Variants in USP36 observed in about 807,000 individuals in gnomAD.
USP36 encodes the protein ubiquitin carboxyl-terminal hydrolase 36.
Under a neutral mutation model 111.5 loss-of-function variants are expected in USP36, and 59 were observed. The observed-to-expected ratio is 0.53, with a 90% CI of 0.43 to 0.66. USP36 has a LOEUF of 0.66. USP36 is among the 30% of genes least tolerant of loss of function. The pLI is 0.00. For synonymous variants in USP36, 628 were observed against 581.0 expected, an observed-to-expected ratio of 1.08 and a Z score of -1.16; for missense variants, 1,488 against 1,468.0, an observed-to-expected ratio of 1.01 and a Z score of -0.22.
downstream of USP36, among the ~76,000 whole-genome samples, chr17:78,795,391 A>T (rs2093614933): frequency 6.6e-6 from 1 of 152,228 alleles, no homozygotes. The surrounding 1 kb of genome is among the most constrained non-coding windows in gnomAD (Gnocchi z 4.5). Flanking sequence ...AGCCACACAC[A>T]TCAGGTAACA....
chr17:78,791,315 G>T (rs775270487), downstream of USP36, among the ~76,000 whole-genome samples: 1 of 151,800 alleles, frequency 6.6e-6, no homozygotes, highest in Non-Finnish European at 1.5e-5. Flanking sequence ...TGTATTTTTA[G>T]TAGAGACGGG....
In USP36 at chr17:78,807,144, C is replaced by T. The variant is rs757285017; in HGVS notation, c.1900G>A (p.Ala634Thr). The part of the protein sequence containing the change: ...TKAPQTPRSG[A>T]AHLCDSQETN... ...TCCTGAGAATCGCAGAGATGGGCCG[C>T]TCCACTCCTGGGGGTCTGGGGGGCC... The change falls in exon 14 of 21, where the codon GCG becomes ACG. Residue 634 changes from alanine (A) to threonine (T), a missense_variant. Ala to Thr is a moderately conservative substitution (Grantham distance 58). Coordinates refer to ENST00000449938, the MANE Select transcript of USP36 (RefSeq NM_001385174.1). 3.7e-5 allele frequency: 59 copies of T among 1,614,108 alleles called. No individual in the cohort carries two copies. Among genetic ancestry groups the T allele is most frequent in the South Asian group, 3.0e-4 (27 of 91,094 alleles).
intron 10 of USP36, among the ~76,000 whole-genome samples, chr17:78,817,810 G>A (rs2094223101): frequency 6.6e-6 from 1 of 152,072 alleles, no homozygotes; most frequent in Non-Finnish European, 1.5e-5. Context: ...GCCAGGTATG[G>A]TGGCTCACAC....
At chr17:78,822,171 C>T (rs550483898) in intron 6 of USP36, among the ~76,000 whole-genome samples, 167 bp from the exon 7 acceptor site, 23 of 152,286 alleles carry the variant, frequency 1.5e-4, no homozygotes, top group African/African-American at 3.8e-4. Flanking sequence ...CCTCAGCCCA[C>T]GCTGCCTGGC....
intron 5 of USP36, among the ~76,000 whole-genome samples, chr17:78,827,909 T>C (rs1049705572): frequency 6.6e-6 from 1 of 151,904 alleles, no homozygotes; most frequent in African/African-American, 2.4e-5. Flanking sequence ...AGACTCTATC[T>C]CAGAAAGAAA....
chr17:78,826,912 G>A (rs2067593648), intron 6 of USP36: 1 of 592,762 alleles, frequency 1.7e-6, no homozygotes, highest in Admixed American at 3.0e-5. Flanking sequence ...AAAAGTCCAT[G>A]GTAAGAACTG....
intron 3 of USP36, among the ~76,000 whole-genome samples, chr17:78,787,941 T>G (rs1289863014): frequency 6.6e-6 from 1 of 151,754 alleles, no homozygotes; most frequent in African/African-American, 2.4e-5. Context: ...CACAGTGGAG[T>G]GATGTGGCCA....
chr17:78,838,041 C>G (rs2068842241), intron 2 of USP36, among the ~76,000 whole-genome samples: 1 of 152,074 alleles, frequency 6.6e-6, no homozygotes, highest in Non-Finnish European at 1.5e-5. Context: ...GCTATGATTA[C>G]GCCTGTGAAT....
chr17:78,828,525 C>T (rs1196138221), intron 5 of USP36, among the ~76,000 whole-genome samples: 1 of 152,168 alleles, frequency 6.6e-6, no homozygotes, highest in Non-Finnish European at 1.5e-5. Context: ...TGACCTGCCC[C>T]CACTAAGAGG....
intron 9 of USP36, among the ~76,000 whole-genome samples, chr17:78,819,587 C>T (rs1344511935): frequency 6.6e-6 from 1 of 152,266 alleles, no homozygotes; most frequent in African/African-American, 2.4e-5. Context: ...CTGATGTGAG[C>T]TCGTGCTCTG....
At chr17:78,788,862 G>A (rs1288150702) in intron 3 of USP36, among the ~76,000 whole-genome samples, 1 of 152,032 alleles carries the variant, frequency 6.6e-6, no homozygotes, top group Non-Finnish European at 1.5e-5. Flanking sequence ...GGGACGGGAG[G>A]GACACTGAGG....
At chr17:78,789,379 A>T in intron 3 of USP36, among the ~76,000 whole-genome samples, 1 of 151,962 alleles carries the variant, frequency 6.6e-6, no homozygotes, top group East Asian at 1.9e-4. Flanking sequence ...TAGGCTGAAC[A>T]GTGGTTAGAC....
chr17:78,817,756 A>G (rs1001404632), intron 10 of USP36, among the ~76,000 whole-genome samples: 1 of 151,812 alleles, frequency 6.6e-6, no homozygotes, highest in Admixed American at 6.6e-5. Flanking sequence ...AAAAAAGAGA[A>G]AAAAGAAAAA....
At position 78,840,781 on chromosome 17, in the gene USP36, A is replaced by T. The variant is rs1328198707; in HGVS notation, c.-219T>A. On this transcript the variant is annotated 5_prime_UTR_variant, in exon 1 of 21. Transcript: ENST00000449938. ...GCCACAAGCCTACGCAGCCCTGGCG[A>T]CTCCTTCGGCCCGCGGCCCAGCACG... The T allele has an allele frequency of 6.6e-6, 1 of 150,642 alleles. No homozygotes were observed. The highest frequency in any genetic ancestry group is 1.5e-5 in the Non-Finnish European group (1 of 67,718). The allele number at this position is 150,642 out of a possible 1,614,324, so 9.3% of individuals were successfully genotyped here.
Position 78,807,564 on chromosome 17 carries a change from A to T in USP36, c.1480T>A (p.Ser494Thr), listed in dbSNP as rs758741298. The change falls in exon 14 of 21, where the codon TCC becomes ACC. Residue 494 changes from serine to threonine, a missense_variant. Physicochemically the swap from Ser to Thr is moderately conservative, Grantham distance 58. Transcript: ENST00000449938. ...TTCTGGGACTTCAGGCCCAGGGTGG[A>T]GCCATTCCTGGATATGGGCACACCA... Reference protein sequence around the residue: ...EIGVPISRNGSTLGLKSQNGC... With the variant: ...EIGVPISRNGTTLGLKSQNGC... 1.9e-6 allele frequency: 3 copies of T among 1,608,036 alleles called. No homozygotes were observed. The East Asian group carries it at 6.7e-5, about 36-fold the overall frequency.
rs2145026668 is a variant in USP36 at position 78,803,445 on chromosome 17, C to G, written c.2750G>C (p.Arg917Thr). Residue 917 changes from arginine to threonine, a missense_variant, in exon 16 of 21, where the codon AGG becomes ACG. This residue lies in a region of USP36 where 1,073 missense variants were observed against 994.1 expected (regional missense o/e 1.08). Coordinates refer to ENST00000449938, the MANE Select transcript of USP36 (RefSeq NM_001385174.1). The surrounding 1 kb of genome is among the most constrained non-coding windows in gnomAD (Gnocchi z 4.6). ...GHHASSRKRR[R>T]KGAEGLGEEG... The stretch of plus-strand genomic sequence containing the variant: ...TTCACCAAGACCTTCTGCTCCTTTC[C>G]TCCTCCGCTTCCTGCTGCTCGCGTG... 1.2e-6 allele frequency: 2 copies of G among 1,614,184 alleles called. No individual in the cohort carries two copies. Among genetic ancestry groups the G allele is most frequent in the Middle Eastern group, 1.6e-4 (1 of 6,062 alleles).
chr17:78,804,475 C>CA (rs1488292633), intron 15 of USP36, among the ~76,000 whole-genome samples: 3 of 108,742 alleles, frequency 2.8e-5, no homozygotes, highest in African/African-American at 7.0e-5. Context: ...AAAAAAAAAC[C>CA]AAAAAAACAA....
At chr17:78,821,414 ATATATATTT>A (rs1329424301) in intron 7 of USP36, 3 of 53,054 alleles carry the variant, frequency 5.7e-5, no homozygotes, top group African/African-American at 2.8e-4. Context: ...ATATATATAT[ATATATATTT>A]TTTTTTTTTT....
chr17:78,794,817 G>A (rs2093609583), downstream of USP36, among the ~76,000 whole-genome samples: 1 of 152,034 alleles, frequency 6.6e-6, no homozygotes, highest in Admixed American at 6.6e-5. Context: ...GACCAGCCTG[G>A]CCAACATGGT....
Sources: gnomAD v4.1 joint callset for allele counts (sites outside exome capture counted in the v4.1 genomes callset) on GRCh38, gnomAD v4.1.1 for gene constraint, gnomAD v4.1.1 regional missense constraint, Gnocchi (gnomAD v3.1) non-coding constraint, MANE v1.5 for transcripts, NCBI Gene and HGNC (gene_info 2026-07-23, HGNC 2026-07-21) for gene names.